The following PACSIN1 variants were observed in gnomAD, a reference collection of about 807,000 sequenced individuals.
PACSIN1 encodes the protein protein kinase C and casein kinase substrate in neurons 1.
A neutral mutation model predicts 59.5 loss-of-function variants in PACSIN1; 15 were observed. That is an observed-to-expected ratio of 0.25 (90% CI 0.17 to 0.39). The LOEUF (loss-of-function observed/expected upper bound fraction) is 0.39. Ranked by LOEUF, PACSIN1 falls within the 10% of genes least tolerant of loss-of-function variation. The pLI, the probability that PACSIN1 is intolerant of heterozygous loss-of-function variation, is 1.00. For missense variants in PACSIN1, 420 were observed against 580.2 expected (o/e 0.72, Z 2.84); for synonymous variants, 210 against 220.6 (o/e 0.95, Z 0.42).
intron 1 of PACSIN1, among the ~76,000 whole-genome samples, chr6:34,495,924 C>T (rs1766940957): frequency 6.6e-6 from 1 of 152,152 alleles, no homozygotes; most frequent in Non-Finnish European, 1.5e-5. Context: ...AGAAATGGGG[C>T]ATAGGAGAGG....
At chr6:34,477,904 A>G (rs1318903832) in intron 1 of PACSIN1, among the ~76,000 whole-genome samples, 10 of 128,950 alleles carry the variant, frequency 7.8e-5, no homozygotes, top group African/African-American at 3.0e-4. Context: ...GTGTGCCACC[A>G]AGCCTGGCCA....
intron 1 of PACSIN1, among the ~76,000 whole-genome samples, chr6:34,505,782 A>C (rs1371801193): frequency 6.6e-6 from 1 of 151,832 alleles, no homozygotes; most frequent in African/African-American, 2.4e-5. Flanking sequence ...ACAGGTGTGC[A>C]CCAACATGCC....
intron 1 of PACSIN1, among the ~76,000 whole-genome samples, chr6:34,475,364 C>G (rs944532176): frequency 3.9e-5 from 6 of 152,198 alleles, no homozygotes; most frequent in Non-Finnish European, 5.9e-5. Context: ...TTACAAAATA[C>G]TTCCTGTCTC....
intron 1 of PACSIN1, among the ~76,000 whole-genome samples, chr6:34,485,449 T>C (rs1295559819): frequency 6.6e-6 from 1 of 151,782 alleles, no homozygotes; most frequent in Admixed American, 6.6e-5. Flanking sequence ...GGATTCTGGG[T>C]ATATTTTGAA....
rs567483305 is a variant in PACSIN1 at position 34,528,585 on chromosome 6, G to C, written c.221-57G>C. 1,406 of 1,246,520 alleles carry C rather than the reference G, an allele frequency of 1.1e-3. 31 individuals carry two copies. In the South Asian group the frequency reaches 0.014, roughly 13 times the overall value. The allele number at this position is 1,246,520 out of a possible 1,614,324, so 77.2% of individuals were successfully genotyped here. On this transcript the variant is annotated intron_variant, in intron 3 of 9. Transcript: ENST00000244458. ...AAAGCCTCAGAGAAGGGAGATGTGA[G>C]GGGGGGCCTCTGGGCAGGGGCAATG...
intron 1 of PACSIN1, among the ~76,000 whole-genome samples, chr6:34,491,203 G>T (rs1208966044): frequency 6.6e-6 from 1 of 152,106 alleles, no homozygotes; most frequent in Non-Finnish European, 1.5e-5. Context: ...GAGGCCCTTG[G>T]CTTTCTCACT....
chr6:34,520,469 G>A (rs1045750105), intron 1 of PACSIN1, among the ~76,000 whole-genome samples: 3 of 152,298 alleles, frequency 2.0e-5, no homozygotes, highest in Admixed American at 1.3e-4. Context: ...AGGGGCAGGG[G>A]AAGGACCCAC....
At chr6:34,519,290 G>C (rs1006542284) in intron 1 of PACSIN1, among the ~76,000 whole-genome samples, 16 of 152,106 alleles carry the variant, frequency 1.1e-4, no homozygotes, top group Admixed American at 6.5e-4. Flanking sequence ...TTTGAGCTCT[G>C]CCTCCCTGAG....
In PACSIN1 at chr6:34,530,530, C is replaced by T. The variant is rs144246857; in HGVS notation, c.980C>T (p.Ala327Val). ...CAGCCTAAGAAGGCAGAGGGAGTGG[C>T]GCTGACCAATGCCACTGGGGCGGTA... ...EKQPKKAEGV[A>V]LTNATGAVES... Residue 327 changes from alanine to valine, a missense_variant, in exon 8 of 10, where the codon GCG (alanine) becomes GTG (valine). By Grantham distance (64) the Ala-to-Val change is moderately conservative (BLOSUM62 0). Coordinates refer to ENST00000244458, the MANE Select transcript of PACSIN1 (RefSeq NM_020804.5). The surrounding 1 kb of genome is among the most constrained non-coding windows in gnomAD (Gnocchi z 4.4). The T allele has an allele frequency of 2.5e-5, 40 of 1,609,408 alleles. No individual in the cohort carries two copies. Among genetic ancestry groups the T allele is most frequent in the Middle Eastern group, 1.7e-4 (1 of 6,046 alleles).
At chr6:34,483,770 C>T (rs1399481123) in intron 1 of PACSIN1, among the ~76,000 whole-genome samples, 2 of 151,274 alleles carry the variant, frequency 1.3e-5, no homozygotes, top group South Asian at 2.1e-4. Context: ...CTCAACCTCC[C>T]GAGTAGCTGG....
intron 1 of PACSIN1, among the ~76,000 whole-genome samples, chr6:34,483,901 G>A (rs956168848): frequency 1.3e-5 from 2 of 151,916 alleles, no homozygotes; most frequent in South Asian, 2.1e-4. Flanking sequence ...CACCTGCCTC[G>A]GCCTCCCAAA....
At chr6:34,479,832 T>TTATTAC (rs1766690293) in intron 1 of PACSIN1, among the ~76,000 whole-genome samples, 1 of 151,948 alleles carries the variant, frequency 6.6e-6, no homozygotes, top group South Asian at 2.1e-4. Context: ...TTTATTATTA[T>TTATTAC]TATTACTTTT....
chr6:34,526,213 T>C, intron 1 of PACSIN1, 30 bp from the exon 2 acceptor site: 2 of 1,065,700 alleles, frequency 1.9e-6, no homozygotes, highest in Middle Eastern at 2.0e-4. Flanking sequence ...CCTTCCCTCA[T>C]CTCCAGGGAT....
chr6:34,476,528 G>A (rs150153141), intron 1 of PACSIN1, among the ~76,000 whole-genome samples: 5,594 of 152,054 alleles, frequency 0.037, 148 homozygotes, highest in Middle Eastern at 0.12. Flanking sequence ...TTGGATGACT[G>A]GCCGCCATCT....
rs115074760 is a variant in PACSIN1, at chr6:34,476,092, A to G, written c.-64+9822A>G. 4.1e-3 allele frequency among the ~76,000 whole-genome samples: 619 copies of G among 152,300 alleles called. 4 individuals carry two copies. The highest frequency in any genetic ancestry group is 0.014 in the African/African-American group (566 of 41,556). On this transcript the variant is annotated intron_variant, in intron 1 of 9. Coordinates refer to ENST00000244458, the MANE Select transcript of PACSIN1 (RefSeq NM_020804.5). ...GGCCATTCAGCAGTGAATGACACAC[A>G]CTTTGTCCTTGTCCCTGGAGTTGCC...
chr6:34,506,891 C>T (rs1421757833), intron 1 of PACSIN1, among the ~76,000 whole-genome samples: 3 of 152,168 alleles, frequency 2.0e-5, no homozygotes, highest in Admixed American at 2.0e-4. Flanking sequence ...CTGGCTCTCC[C>T]TCATTCTTCA....
intron 1 of PACSIN1, among the ~76,000 whole-genome samples, chr6:34,473,719 CA>C (rs926506208): frequency 6.6e-6 from 1 of 152,160 alleles, no homozygotes; most frequent in African/African-American, 2.4e-5. Context: ...CTTTTATTTG[CA>C]AACTTTTTAT....
At chr6:34,484,590 G>A (rs1766765297) in intron 1 of PACSIN1, among the ~76,000 whole-genome samples, 1 of 151,896 alleles carries the variant, frequency 6.6e-6, no homozygotes, top group Admixed American at 6.6e-5. Flanking sequence ...GAACCCTAAT[G>A]TAAACTATGG....
At chr6:34,483,067 C>T (rs1003093582) in intron 1 of PACSIN1, among the ~76,000 whole-genome samples, 4 of 147,880 alleles carry the variant, frequency 2.7e-5, no homozygotes, top group Non-Finnish European at 4.4e-5. Flanking sequence ...TGCAGTGGCA[C>T]GATCATGGCT....
Sources: gnomAD v4.1 joint callset for allele counts (sites outside exome capture counted in the v4.1 genomes callset) on GRCh38, gnomAD v4.1.1 for gene constraint, Gnocchi (gnomAD v3.1) non-coding constraint, MANE v1.5 for transcripts, NCBI Gene and HGNC (gene_info 2026-07-23, HGNC 2026-07-21) for gene names.